SMG6: variants seen among roughly 807,000 people sequenced by gnomAD.
The protein encoded by SMG6 is SMG6 nonsense mediated mRNA decay factor, also known as telomerase-binding protein EST1A.
SMG6 carries 66 observed loss-of-function variants against 142.2 expected under a neutral mutation model. That is an observed-to-expected ratio of 0.46 (90% CI 0.38 to 0.57). The LOEUF is 0.57. SMG6 is among the 20% of genes least tolerant of loss of function. SMG6 has a pLI of 0.00. For missense variants in SMG6, 1,793 were observed against 1,832.0 expected (o/e 0.98, Z 0.39); for synonymous variants, 779 against 702.4 (o/e 1.11, Z -1.72).
At chr17:2,123,271 G>A (rs2069761386) in intron 13 of SMG6, among the ~76,000 whole-genome samples, 2 of 152,304 alleles carry the variant, frequency 1.3e-5, no homozygotes, top group East Asian at 1.9e-4. Flanking sequence ...GAGAGGGGAG[G>A]GGAGGAGTAG....
At chr17:2,219,607 A>G (rs372537041) in intron 10 of SMG6, among the ~76,000 whole-genome samples, 1 of 151,822 alleles carries the variant, frequency 6.6e-6, no homozygotes, top group African/African-American at 2.4e-5. Flanking sequence ...TGGGCAATAT[A>G]GTGAGGCTTC....
At position 2,210,312 on chromosome 17, in the gene SMG6, G is replaced by A. The variant is rs1470663828; in HGVS notation, c.2870-21797C>T. ...TTTTTTTTTTTTTTTTAAGAGATGG[G>A]GTCTCATTATGTTGCCCAGTTTGGC... On this transcript the variant is annotated intron_variant, in intron 10 of 18. Transcript: ENST00000263073. Among the ~76,000 whole-genome samples, 3 of 150,442 alleles carry A rather than the reference G, an allele frequency of 2.0e-5. No homozygotes were observed. In the South Asian group the frequency reaches 6.3e-4, roughly 32 times the overall value.
At chr17:2,136,247 G>A (rs1431715655) in intron 13 of SMG6, among the ~76,000 whole-genome samples, 3 of 151,110 alleles carry the variant, frequency 2.0e-5, no homozygotes, top group Admixed American at 2.0e-4. Flanking sequence ...TTTTAGCATA[G>A]ACGGGGTTTC....
intron 8 of SMG6, among the ~76,000 whole-genome samples, chr17:2,255,212 G>A (rs1184025199): frequency 6.6e-6 from 1 of 151,442 alleles, no homozygotes; most frequent in Non-Finnish European, 1.5e-5. Context: ...AGACCATCCT[G>A]GCTAACACGG....
chr17:2,163,378 C>T (rs1332184025), intron 13 of SMG6, among the ~76,000 whole-genome samples: 1 of 149,318 alleles, frequency 6.7e-6, no homozygotes, highest in African/African-American at 2.5e-5. Flanking sequence ...AGTAGAGATG[C>T]TGTGTTTCCC....
chr17:2,112,276 G>A (rs568564080), intron 13 of SMG6, among the ~76,000 whole-genome samples: 23 of 151,826 alleles, frequency 1.5e-4, no homozygotes, highest in South Asian at 1.0e-3. Context: ...AGGCTGAGGC[G>A]GGTGGATCAC....
intron 9 of SMG6, chr17:2,240,276 A>C (rs947865245): frequency 6.6e-6 from 1 of 152,254 alleles, no homozygotes; most frequent in African/African-American, 2.4e-5. Context: ...ACCTAGGCCC[A>C]GGACTGACTC....
intron 13 of SMG6, among the ~76,000 whole-genome samples, chr17:2,086,866 G>A (rs1597363812): frequency 6.6e-6 from 1 of 152,130 alleles, no homozygotes; most frequent in African/African-American, 2.4e-5. Flanking sequence ...CTCACCAAGG[G>A]AGAGGGGCCC....
In SMG6 at chr17:2,061,396, G is replaced by C; in HGVS notation, c.*96C>G. 8.2e-7 allele frequency: 1 copy of C among 1,226,206 alleles called. No homozygotes were observed. Among genetic ancestry groups the C allele is most frequent in the East Asian group, 2.6e-5 (1 of 38,674 alleles). The allele number at this position is 1,226,206 out of a possible 1,614,324, so 76.0% of individuals were successfully genotyped here. On this transcript the variant is annotated 3_prime_UTR_variant, in exon 19 of 19. Coordinates refer to ENST00000263073, the MANE Select transcript of SMG6 (RefSeq NM_017575.5). Reference sequence around the variant, plus strand: ...GGATGGTTTATTGTCTGGGTGGATTGGTGGCTCAGGCACGTGGGCATCTTC... The same window carrying C: ...GGATGGTTTATTGTCTGGGTGGATTCGTGGCTCAGGCACGTGGGCATCTTC...
At chr17:2,293,065 T>C in intron 4 of SMG6, 88 bp from the exon 5 acceptor site, 3 of 942,186 alleles carry the variant, frequency 3.2e-6, no homozygotes, top group South Asian at 2.6e-5. Flanking sequence ...AATGACAATG[T>C]AGCACTCGTA....
intron 13 of SMG6, among the ~76,000 whole-genome samples, chr17:2,118,298 G>C (rs1046061308): frequency 1.3e-5 from 2 of 152,192 alleles, no homozygotes; most frequent in African/African-American, 4.8e-5. Flanking sequence ...AGCACTTTGG[G>C]AGGCTGAGGC....
intron 10 of SMG6, among the ~76,000 whole-genome samples, chr17:2,221,431 C>T (rs1256712537): frequency 2.0e-5 from 3 of 152,172 alleles, no homozygotes; most frequent in Non-Finnish European, 4.4e-5. Flanking sequence ...TCTCCTGAGG[C>T]CTCCCTAGCC....
intron 13 of SMG6, among the ~76,000 whole-genome samples, chr17:2,107,695 G>A (rs2069191866): frequency 6.6e-6 from 1 of 152,168 alleles, no homozygotes; most frequent in African/African-American, 2.4e-5. Flanking sequence ...ATTTAACTTG[G>A]AGCTGGAAGA....
chr17:2,144,783 G>A (rs1486376107), intron 13 of SMG6, among the ~76,000 whole-genome samples: 2 of 152,146 alleles, frequency 1.3e-5, no homozygotes, highest in Admixed American at 1.3e-4. Context: ...AAACTCAGGT[G>A]AGGGTTAGCT....
intron 8 of SMG6, chr17:2,265,887 C>T: frequency 1.6e-5 from 10 of 623,920 alleles, no homozygotes; most frequent in Non-Finnish European, 2.0e-5. Flanking sequence ...ATGCATATGA[C>T]AATCTTAAAG....
chr17:2,149,241 T>C (rs1283098516), intron 13 of SMG6, among the ~76,000 whole-genome samples: 3 of 149,382 alleles, frequency 2.0e-5, no homozygotes, highest in African/African-American at 7.5e-5. Context: ...TCCCAGCTAC[T>C]CGGGAGGCTG....
At chr17:2,263,638 G>GT (rs1279049600) in intron 8 of SMG6, among the ~76,000 whole-genome samples, 4 of 152,048 alleles carry the variant, frequency 2.6e-5, no homozygotes, top group Admixed American at 2.0e-4. Context: ...ATTCTTTCTG[G>GT]TCTAGAGAGT....
intron 10 of SMG6, among the ~76,000 whole-genome samples, chr17:2,217,857 A>T (rs2073060229): frequency 6.6e-6 from 1 of 152,054 alleles, no homozygotes; most frequent in African/African-American, 2.4e-5. Flanking sequence ...AAAAATAAAA[A>T]AAATCAGCCG....
chr17:2,272,213 T>C (rs2074555813), intron 8 of SMG6, among the ~76,000 whole-genome samples: 1 of 152,216 alleles, frequency 6.6e-6, no homozygotes, highest in Admixed American at 6.5e-5. Context: ...CTGTGAGCCC[T>C]CTGCTGTTTC....
Sources: allele counts gnomAD v4.1 joint callset (sites outside exome capture counted in the v4.1 genomes callset), GRCh38; gene constraint gnomAD v4.1.1; transcripts MANE v1.5; gene names NCBI Gene and HGNC (gene_info 2026-07-23, HGNC 2026-07-21).